The following DDAH1 variants were observed in gnomAD, a reference collection of about 807,000 sequenced individuals.
DDAH1 encodes dimethylarginine dimethylaminohydrolase 1, also known as N(G),N(G)-dimethylarginine dimethylaminohydrolase 1.
DDAH1 carries 19 observed loss-of-function variants against 28.8 expected under a neutral mutation model. That is an observed-to-expected ratio of 0.66 (90% CI 0.46 to 0.97). DDAH1 has a LOEUF of 0.97. Ranked by LOEUF, DDAH1 falls within the 50% of genes least tolerant of loss-of-function variation. The pLI, the probability that DDAH1 is intolerant of heterozygous loss-of-function variation, is 0.00. For missense variants in DDAH1, 326 were observed against 375.9 expected, an observed-to-expected ratio of 0.87 and a Z score of 1.10; for synonymous variants, 153 against 154.4, an observed-to-expected ratio of 0.99 and a Z score of 0.07.
At position 85,409,940 on chromosome 1, in the gene DDAH1, T is replaced by C. The variant is rs539439872; in HGVS notation, c.304-51093A>G. Reference sequence around the variant, plus strand: ...GTTAATTGGGAAGATCCAAAGCCAATTGTAATCATAACAATTCTCCTTATG... The same window carrying C: ...GTTAATTGGGAAGATCCAAAGCCAACTGTAATCATAACAATTCTCCTTATG... On this transcript the variant is annotated intron_variant, in intron 1 of 5. Coordinates refer to ENST00000284031, the MANE Select transcript of DDAH1 (RefSeq NM_012137.4). 8.5e-5 allele frequency among the ~76,000 whole-genome samples: 13 copies of C among 152,276 alleles called. No homozygotes were observed. The South Asian group carries it at 1.9e-3, about 22-fold the overall frequency.
At chr1:85,424,762 T>A (rs1030736659) in intron 1 of DDAH1, among the ~76,000 whole-genome samples, 2 of 152,094 alleles carry the variant, frequency 1.3e-5, no homozygotes, top group Admixed American at 6.5e-5. Flanking sequence ...TAATTTTTTT[T>A]AATTTTCCAA....
At chr1:85,498,790 C>CGTAT (rs1328670922) in intron 1 of DDAH1, among the ~76,000 whole-genome samples, 1 of 151,988 alleles carries the variant, frequency 6.6e-6, no homozygotes, top group Non-Finnish European at 1.5e-5. Context: ...GAGGTAGTGG[C>CGTAT]GTATGCCTGT....
rs1477166371 is a variant in DDAH1, at chr1:85,319,012, T to C, written c.*2440A>G. The C allele has an allele frequency of 6.6e-6, 1 of 152,256 alleles. No homozygotes were observed. Among genetic ancestry groups the C allele is most frequent in the East Asian group, 1.9e-4 (1 of 5,206 alleles). 9.4% of individuals were successfully genotyped at this position (152,256 alleles called of 1,614,324 possible). A position where few individuals can be genotyped will look rare whatever the true frequency, so the allele number is the denominator to read the frequency against. On this transcript the variant is annotated 3_prime_UTR_variant, in exon 6 of 6. Transcript: ENST00000284031. ...TTACTTAGTTAAATATAATTTCTCC[T>C]GTCTTTTAATGTCAAAAAGCAGTTT...
At chr1:85,573,182 C>T (rs1659508102) in intron 1 of DDAH1, among the ~76,000 whole-genome samples, 2 of 152,216 alleles carry the variant, frequency 1.3e-5, no homozygotes, top group Admixed American at 1.3e-4. Context: ...CTCCCTTACA[C>T]TCAATCCCCA....
intron 1 of DDAH1, among the ~76,000 whole-genome samples, chr1:85,359,365 G>A (rs974732928): frequency 1.3e-5 from 2 of 152,120 alleles, no homozygotes; most frequent in East Asian, 1.9e-4. Context: ...GGGAGGCAAG[G>A]CACCCAATTC....
Position 85,464,938 on chromosome 1 carries a change from C to T in DDAH1, c.108G>A (p.Glu36=), listed in dbSNP as rs1471866730. The change falls in exon 1 of 6, where the codon GAG becomes GAA. Residue 36 remains glutamate, a synonymous_variant. Transcript: ENST00000284031. The surrounding 1 kb of genome is among the most constrained non-coding windows in gnomAD (Gnocchi z 4.4). ...GQHALRSAKG[E]EVDVARAERQ... The stretch of plus-strand genomic sequence containing the variant: ...GTTCCGCGCGGGCGACGTCCACCTC[C>T]TCGCCCTTGGCGCTTCTCAGCGCGT... 3 of 1,536,340 alleles carry T rather than the reference C, an allele frequency of 2.0e-6. No homozygotes were observed. The highest frequency in any genetic ancestry group is 2.6e-5 in the East Asian group (1 of 38,346).
intron 1 of DDAH1, among the ~76,000 whole-genome samples, chr1:85,568,503 A>G (rs1431837096): frequency 3.9e-5 from 6 of 152,202 alleles, no homozygotes; most frequent in African/African-American, 1.2e-4. Flanking sequence ...GAAACCTCGC[A>G]TCATTTCAAG....
chr1:85,562,256 G>C (rs562520383), intron 1 of DDAH1, among the ~76,000 whole-genome samples: 4 of 152,056 alleles, frequency 2.6e-5, no homozygotes, highest in Non-Finnish European at 5.9e-5. Context: ...AGATAGATAT[G>C]AAGTTGATTT....
chr1:85,410,547 G>A (rs1050103906), intron 1 of DDAH1, among the ~76,000 whole-genome samples: 2 of 150,780 alleles, frequency 1.3e-5, no homozygotes, highest in Non-Finnish European at 2.9e-5. Context: ...GCTGAGGCAG[G>A]AGAATCACTT....
chr1:85,411,851 A>T (rs1652666886), intron 1 of DDAH1, among the ~76,000 whole-genome samples: 1 of 152,172 alleles, frequency 6.6e-6, no homozygotes, highest in Admixed American at 6.5e-5. Flanking sequence ...AAACCAGAGA[A>T]AGGTCAGCCG....
rs903208642 is a variant in DDAH1 at position 85,357,770 on chromosome 1, A to G, written c.403+978T>C. On this transcript the variant is annotated intron_variant, in intron 2 of 5. Coordinates refer to ENST00000284031, the MANE Select transcript of DDAH1 (RefSeq NM_012137.4). Reference sequence around the variant, plus strand: ...ATTACTATTGATTATCTTGCTCATCAGTATAACCAGAATGAATTTGGGGAC... The same window carrying G: ...ATTACTATTGATTATCTTGCTCATCGGTATAACCAGAATGAATTTGGGGAC... Among the ~76,000 whole-genome samples the G allele has an allele frequency of 2.6e-4, 39 of 152,246 alleles. 1 individual carries two copies. The highest frequency in any genetic ancestry group is 8.2e-4 in the African/African-American group (34 of 41,470).
chr1:85,340,369 G>C (rs373983408), intron 4 of DDAH1, among the ~76,000 whole-genome samples: 19 of 152,312 alleles, frequency 1.2e-4, no homozygotes, highest in African/African-American at 4.6e-4. Context: ...GACAGGGAGA[G>C]TTTAAACTCT....
intron 1 of DDAH1, among the ~76,000 whole-genome samples, chr1:85,526,491 G>A (rs1391426245): frequency 2.6e-5 from 4 of 152,182 alleles, no homozygotes; most frequent in South Asian, 4.1e-4. Flanking sequence ...CCGGATCTAG[G>A]TGTGTGATCA....
intron 2 of DDAH1, among the ~76,000 whole-genome samples, chr1:85,485,653 A>G (rs923753806): frequency 2.0e-5 from 3 of 152,174 alleles, no homozygotes; most frequent in South Asian, 4.1e-4. Flanking sequence ...TCAAATGTAT[A>G]CTGAACTCAG....
chr1:85,505,052 C>A (rs1255850142), intron 1 of DDAH1, among the ~76,000 whole-genome samples: 2 of 133,192 alleles, frequency 1.5e-5, no homozygotes, highest in East Asian at 5.0e-4. Flanking sequence ...ATGGCGTGAT[C>A]TCGGCTCACT....
chr1:85,347,924 T>TC (rs1324404795), intron 4 of DDAH1, among the ~76,000 whole-genome samples: 2 of 152,104 alleles, frequency 1.3e-5, no homozygotes, highest in African/African-American at 4.8e-5. Flanking sequence ...AGCTCATTAT[T>TC]CCCCAGATCA....
intron 1 of DDAH1, among the ~76,000 whole-genome samples, chr1:85,537,002 C>G (rs1251136583): frequency 6.9e-6 from 1 of 145,076 alleles, no homozygotes; most frequent in Non-Finnish European, 1.5e-5. Flanking sequence ...TACATACACA[C>G]AGTGTGTATG....
chr1:85,445,385 A>G (rs565506721), intron 1 of DDAH1, among the ~76,000 whole-genome samples: 17 of 152,152 alleles, frequency 1.1e-4, no homozygotes, highest in Non-Finnish European at 2.4e-4. Flanking sequence ...AGAAAAAAGC[A>G]TAAAAGATTA....
chr1:85,525,033 G>T (rs1570641185), intron 1 of DDAH1, among the ~76,000 whole-genome samples: 1 of 137,510 alleles, frequency 7.3e-6, no homozygotes. Flanking sequence ...GTCTTGAAAT[G>T]AATGCTATAG....
Sources: gnomAD v4.1 joint callset for allele counts (sites outside exome capture counted in the v4.1 genomes callset) on GRCh38, gnomAD v4.1.1 for gene constraint, Gnocchi (gnomAD v3.1) non-coding constraint, MANE v1.5 for transcripts, NCBI Gene and HGNC (gene_info 2026-07-23, HGNC 2026-07-21) for gene names.